Variants in ADARB1 observed in about 807,000 individuals in gnomAD.
ADARB1 encodes the protein double-stranded RNA-specific editase 1.
A neutral mutation model predicts 52.4 loss-of-function variants in ADARB1; 10 were observed. That is an observed-to-expected ratio of 0.19 (90% CI 0.12 to 0.32). The LOEUF (loss-of-function observed/expected upper bound fraction) is 0.32, where lower values mean the gene tolerates loss of function less well. ADARB1 is among the 10% of genes least tolerant of loss of function. The pLI is 1.00. For synonymous variants in ADARB1, 349 were observed against 371.1 expected, an observed-to-expected ratio of 0.94 and a Z score of 0.68; for missense variants, 643 against 922.3, an observed-to-expected ratio of 0.70 and a Z score of 3.92.
intron 8 of ADARB1, among the ~76,000 whole-genome samples, chr21:45,192,863 A>G (rs1426941794): frequency 6.6e-6 from 1 of 152,230 alleles, no homozygotes; most frequent in Non-Finnish European, 1.5e-5. Flanking sequence ...AAAGACACAT[A>G]CTACCAAAGC....
intron 2 of ADARB1, among the ~76,000 whole-genome samples, chr21:45,143,836 G>A (rs1049541571): frequency 1.4e-4 from 21 of 152,230 alleles, no homozygotes; most frequent in East Asian, 3.9e-4. Context: ...CAATGGCATC[G>A]CCACTACTGC....
In ADARB1 at chr21:45,220,929, C is replaced by T; in HGVS notation, c.1841C>T (p.Ala614Val). The T allele has an allele frequency of 6.2e-7, 1 of 1,613,484 alleles. No homozygotes were observed. The highest frequency in any genetic ancestry group is 8.5e-7 in the Non-Finnish European group (1 of 1,180,034). The change falls in exon 10 of 11, where the codon GCC becomes GTC. Residue 614 changes from alanine (A) to valine (V), a missense_variant. Around this residue, in one of 2 missense-constraint regions of ADARB1, gnomAD observed 263 missense variants for 475.8 expected, o/e 0.55. Coordinates refer to ENST00000348831, the MANE Select transcript of ADARB1 (RefSeq NM_001112.4). This position sits in a 1 kb window ranked among gnomAD's most constrained non-coding sequence, Gnocchi z 6.3. ...GACTCCGCTATTGAGGTCATCAACG[C>T]CACGACTGGGAAGGATGAGCTGGGC... is the stretch of plus-strand genomic sequence containing the variant. ...VGDSAIEVINATTGKDELGRA... is the reference protein window; with the variant it reads ...VGDSAIEVINVTTGKDELGRA...
At chr21:45,162,709 C>T (rs947042469) in intron 2 of ADARB1, among the ~76,000 whole-genome samples, 1 of 152,226 alleles carries the variant, frequency 6.6e-6, no homozygotes, top group African/African-American at 2.4e-5. Context: ...CATGAGCGCT[C>T]CTTCATGCAG....
chr21:45,180,012 G>A (rs970333695), intron 4 of ADARB1, among the ~76,000 whole-genome samples: 2 of 152,328 alleles, frequency 1.3e-5, no homozygotes, highest in Admixed American at 1.3e-4. Flanking sequence ...TGTTTGCCTC[G>A]GTTTCCTCCT....
At chr21:45,211,022 T>C (rs918314853) in intron 9 of ADARB1, among the ~76,000 whole-genome samples, 2 of 152,242 alleles carry the variant, frequency 1.3e-5, no homozygotes, top group East Asian at 1.9e-4. Context: ...AGGACTGTTA[T>C]GTGGCCAGAG....
chr21:45,158,922 C>G (rs2090813335), intron 2 of ADARB1, among the ~76,000 whole-genome samples: 1 of 152,100 alleles, frequency 6.6e-6, no homozygotes, highest in African/African-American at 2.4e-5. Context: ...TGCTCCCCTT[C>G]CAGACTGCAT....
In ADARB1 at chr21:45,200,082, A is replaced by C. The variant is rs1471329328; in HGVS notation, c.1566-4473A>C. Among the ~76,000 whole-genome samples, 2 of 152,224 alleles carry C rather than the reference A, an allele frequency of 1.3e-5. No individual in the cohort carries two copies. Among genetic ancestry groups the C allele is most frequent in the African/African-American group, 4.8e-5 (2 of 41,462 alleles). On this transcript the variant is annotated intron_variant, in intron 8 of 10. Transcript: ENST00000348831. This position sits in a 1 kb window ranked among gnomAD's most constrained non-coding sequence, Gnocchi z 5.0. Reference sequence around the variant, plus strand: ...GGCCAAAATGATGCCAGTTGGCTGCAGCTGTGTCCCTGCTCTGGGAGAGTT... The same window carrying C: ...GGCCAAAATGATGCCAGTTGGCTGCCGCTGTGTCCCTGCTCTGGGAGAGTT...
intron 1 of ADARB1, among the ~76,000 whole-genome samples, chr21:45,107,467 A>C (rs2087309832): frequency 6.6e-6 from 1 of 152,224 alleles, no homozygotes; most frequent in South Asian, 2.1e-4. Context: ...ACATACTACA[A>C]AGGCTATATG....
intron 9 of ADARB1, among the ~76,000 whole-genome samples, chr21:45,207,222 C>T (rs1387661697): frequency 6.6e-6 from 1 of 152,224 alleles, no homozygotes; most frequent in Non-Finnish European, 1.5e-5. Context: ...TTTCAAAATG[C>T]AAACTATTTG....
At chr21:45,129,683 C>T (rs1309797432) in intron 2 of ADARB1, among the ~76,000 whole-genome samples, 4 of 152,018 alleles carry the variant, frequency 2.6e-5, no homozygotes, top group African/African-American at 4.8e-5. Flanking sequence ...GTCACCAGGG[C>T]GTGAGTGTGG....
intron 9 of ADARB1, among the ~76,000 whole-genome samples, chr21:45,218,885 T>G (rs947947307): frequency 1.3e-5 from 2 of 152,184 alleles, no homozygotes; most frequent in Non-Finnish European, 2.9e-5. Flanking sequence ...GTTCTAAGCA[T>G]GTTCTAAAGA....
chr21:45,117,393 G>A (rs966264339), intron 1 of ADARB1, among the ~76,000 whole-genome samples: 1 of 152,178 alleles, frequency 6.6e-6, no homozygotes, highest in Non-Finnish European at 1.5e-5. Context: ...GTCAGCACTG[G>A]ATTCTGGCAT....
At chr21:45,092,710 G>T (rs772014526) in intron 1 of ADARB1, among the ~76,000 whole-genome samples, 2 of 152,096 alleles carry the variant, frequency 1.3e-5, no homozygotes, top group Non-Finnish European at 2.9e-5. Flanking sequence ...TGTAAATTTT[G>T]AAGTAATGAA....
chr21:45,165,753 T>C (rs1266862575), intron 2 of ADARB1, among the ~76,000 whole-genome samples: 1 of 152,214 alleles, frequency 6.6e-6, no homozygotes, highest in Non-Finnish European at 1.5e-5. Flanking sequence ...GCTACAAAGT[T>C]AATCTAGCTT....
chr21:45,154,778 A>T (rs2090470636), intron 2 of ADARB1, among the ~76,000 whole-genome samples: 1 of 152,206 alleles, frequency 6.6e-6, no homozygotes, highest in African/African-American at 2.4e-5. Context: ...CAGAGTCCCC[A>T]TCAAGCAGAC....
chr21:45,120,963 TGTGTGTATTCAACTCAG>T (rs2145795186), intron 1 of ADARB1: 1 of 152,342 alleles, frequency 6.6e-6, no homozygotes, highest in East Asian at 1.9e-4. Context: ...ATTCTTGGTA[TGTGTGTATTCAACTCAG>T]GTGTGACCTA....
chr21:45,124,887 A>G (rs1000198780), intron 1 of ADARB1, among the ~76,000 whole-genome samples: 2 of 151,784 alleles, frequency 1.3e-5, no homozygotes, highest in Non-Finnish European at 2.9e-5. Context: ...AGCCTCGACC[A>G]TTCAGGCTCA....
At chr21:45,188,520 T>A (rs1304543826) in intron 8 of ADARB1, among the ~76,000 whole-genome samples, 1 of 152,240 alleles carries the variant, frequency 6.6e-6, no homozygotes, top group Non-Finnish European at 1.5e-5. Flanking sequence ...TTGGTTACCA[T>A]CTGCATGGAA....
intron 2 of ADARB1, among the ~76,000 whole-genome samples, chr21:45,159,903 CTG>C (rs1027620955): frequency 2.0e-5 from 3 of 152,242 alleles, no homozygotes; most frequent in Non-Finnish European, 4.4e-5. Context: ...CTTCCATGCG[CTG>C]TGTGTCACTT....
Sources: allele counts gnomAD v4.1 joint callset (sites outside exome capture counted in the v4.1 genomes callset), GRCh38; gene constraint gnomAD v4.1.1; regional missense constraint gnomAD v4.1.1; non-coding constraint Gnocchi (gnomAD v3.1); transcripts MANE v1.5; gene names NCBI Gene and HGNC (gene_info 2026-07-23, HGNC 2026-07-21).